Variants in LUC7L3 observed in about 807,000 individuals in gnomAD.
The protein encoded by LUC7L3 is LUC7 like 3 pre-mRNA splicing factor.
Under a neutral mutation model 66.8 loss-of-function variants are expected in LUC7L3, and 6 were observed. The observed-to-expected ratio is 0.09, with a 90% confidence interval of 0.05 to 0.18. The LOEUF is 0.18. Ranked by LOEUF, LUC7L3 falls within the 10% of genes least tolerant of loss-of-function variation. The pLI, the probability that LUC7L3 is intolerant of heterozygous loss-of-function variation, is 1.00. For missense variants in LUC7L3, 341 were observed against 531.1 expected (o/e 0.64, Z 3.52); for synonymous variants, 160 against 174.7 (o/e 0.92, Z 0.66).
chr17:50,740,136 T>G, intron 2 of LUC7L3, 170 bp from the exon 3 acceptor site: 1 of 567,186 alleles, frequency 1.8e-6, no homozygotes, highest in Non-Finnish European at 3.1e-6. Context: ...TTATATCCTA[T>G]TTGGTTATGA....
chr17:50,747,724 T>A (rs1350277626), intron 9 of LUC7L3, among the ~76,000 whole-genome samples: 1 of 152,234 alleles, frequency 6.6e-6, no homozygotes, highest in African/African-American at 2.4e-5. Context: ...ATGGACATAT[T>A]TTTTGGTCTC....
chr17:50,740,076 T>A (rs1283749308), intron 2 of LUC7L3, among the ~76,000 whole-genome samples: 1 of 152,166 alleles, frequency 6.6e-6, no homozygotes, highest in Admixed American at 6.5e-5. Flanking sequence ...CTTTTAACCA[T>A]ATATGGTTGC....
chr17:50,753,276 C>T lies in LUC7L3; in HGVS notation c.*2615C>T, dbSNP rs948214290. ...CCTTGTGGTTTATAACTTGCAAATA[C>T]TGCTATCAGTTTATAGGTAAAGAAA... On this transcript the variant is annotated 3_prime_UTR_variant, in exon 10 of 10. Coordinates refer to ENST00000505658, the MANE Select transcript of LUC7L3 (RefSeq NM_016424.5). 2 of 152,594 alleles carry T rather than the reference C, an allele frequency of 1.3e-5. No homozygotes were observed. The highest frequency in any genetic ancestry group is 2.4e-5 in the African/African-American group (1 of 41,416). The allele number at this position is 152,594 out of a possible 1,614,324, so 9.5% of individuals were successfully genotyped here.
At chr17:50,726,856 G>A (rs1455900017) in intron 1 of LUC7L3, among the ~76,000 whole-genome samples, 3 of 152,018 alleles carry the variant, frequency 2.0e-5, no homozygotes, top group Admixed American at 6.6e-5. Context: ...TTGGGAGGCC[G>A]AGGTGGGCGG....
chr17:50,739,649 A>G (rs995480028), intron 2 of LUC7L3, among the ~76,000 whole-genome samples: 5 of 89,522 alleles, frequency 5.6e-5, no homozygotes, highest in Admixed American at 2.0e-4. Context: ...GCAAGACTCT[A>G]TCTCAAAAAA....
intron 2 of LUC7L3, chr17:50,737,334 G>T: frequency 4.1e-6 from 2 of 492,932 alleles, no homozygotes; most frequent in South Asian, 3.1e-5. Context: ...CAAATTTTTG[G>T]AAGATGACAA....
intron 3 of LUC7L3, 106 bp downstream of exon 3, chr17:50,740,451 G>A (rs563564167): frequency 6.5e-6 from 7 of 1,080,940 alleles, no homozygotes; most frequent in Middle Eastern, 2.1e-4. Flanking sequence ...GTGTCTGAGA[G>A]AAGTCCAGTC....
intron 1 of LUC7L3, among the ~76,000 whole-genome samples, chr17:50,721,676 G>A (rs984744654): frequency 6.6e-6 from 1 of 152,228 alleles, no homozygotes; most frequent in Non-Finnish European, 1.5e-5. Context: ...ATTGTATAAT[G>A]AAGCTGGGGA....
intron 1 of LUC7L3, among the ~76,000 whole-genome samples, chr17:50,731,541 C>A (rs186675676): frequency 3.3e-5 from 5 of 151,964 alleles, no homozygotes; most frequent in Admixed American, 3.3e-4. Context: ...CCCATTTTTT[C>A]GGATCACTTG....
chr17:50,732,428 C>T lies in LUC7L3; in HGVS notation c.100-4532C>T, dbSNP rs369773003. 6.6e-5 allele frequency among the ~76,000 whole-genome samples: 10 copies of T among 152,300 alleles called. No homozygotes were observed. The East Asian group carries it at 1.4e-3, about 21-fold the overall frequency. Reference sequence around the variant, plus strand: ...TTGAGTCTTGCCCTTTTCACCCAGGCTGAAGTGCAGTGGCATGATCACCAC... The same window carrying T: ...TTGAGTCTTGCCCTTTTCACCCAGGTTGAAGTGCAGTGGCATGATCACCAC... On this transcript the variant is annotated intron_variant, in intron 1 of 9. Transcript: ENST00000505658.
chr17:50,728,759 G>A (rs1969370190), intron 1 of LUC7L3, among the ~76,000 whole-genome samples: 1 of 152,148 alleles, frequency 6.6e-6, no homozygotes, highest in Admixed American at 6.6e-5. Context: ...TCGCCATTTT[G>A]GCCAGGCAGG....
rs139418517 is a variant in LUC7L3, at chr17:50,753,295, A to G, written c.*2634A>G. On this transcript the variant is annotated 3_prime_UTR_variant, in exon 10 of 10. Transcript: ENST00000505658. ...CAAATACTGCTATCAGTTTATAGGT[A>G]AAGAAACAGTGTGTTAAATGACTTA... 3.3e-5 allele frequency: 5 copies of G among 152,764 alleles called. No individual in the cohort carries two copies. The East Asian group carries it at 9.6e-4, about 29-fold the overall frequency. 9.5% of individuals were successfully genotyped at this position (152,764 alleles called of 1,614,324 possible).
At chr17:50,737,352 G>T in intron 2 of LUC7L3, 1 of 478,964 alleles carries the variant, frequency 2.1e-6, no homozygotes. Context: ...CAAGTGGATG[G>T]AGGAGTAGCA....
At chr17:50,741,764 A>C (rs756281983) in intron 5 of LUC7L3, 33 bp downstream of exon 5, 10 of 1,530,326 alleles carry the variant, frequency 6.5e-6, no homozygotes, top group Non-Finnish European at 9.1e-6. Flanking sequence ...TCAGGAAGTA[A>C]TGTGAAACAG....
At chr17:50,730,513 C>CAAAAAAAA (rs3063109) in intron 1 of LUC7L3, among the ~76,000 whole-genome samples, 19 of 59,088 alleles carry the variant, frequency 3.2e-4, no homozygotes, top group African/African-American at 9.8e-4. Context: ...ACTCTGTCTC[C>CAAAAAAAA]AAAAAAAAAA....
Position 50,746,524 on chromosome 17 carries a change from T to C in LUC7L3, c.978-18T>C, listed in dbSNP as rs754827978. 2 of 1,605,182 alleles carry C rather than the reference T, an allele frequency of 1.2e-6. No homozygotes were observed. Among genetic ancestry groups the C allele is most frequent in the East Asian group, 4.5e-5 (2 of 44,828 alleles). On this transcript the variant is annotated intron_variant, in intron 8 of 9. Coordinates refer to ENST00000505658, the MANE Select transcript of LUC7L3 (RefSeq NM_016424.5). Reference sequence around the variant, plus strand: ...TGTAATACTGGCTGAAGTTGCCTTTTGGTTTTAAATTATTAAGAAGTAGAG... The same window carrying C: ...TGTAATACTGGCTGAAGTTGCCTTTCGGTTTTAAATTATTAAGAAGTAGAG...
chr17:50,741,514 C>T (rs1970346031), intron 4 of LUC7L3, 143 bp from the exon 5 acceptor site: 2 of 615,280 alleles, frequency 3.3e-6, no homozygotes, highest in Non-Finnish European at 5.6e-6. Context: ...GATTGACCAA[C>T]AGAAGTTGAA....
intron 1 of LUC7L3, among the ~76,000 whole-genome samples, chr17:50,730,909 C>T (rs1969564444): frequency 1.3e-5 from 2 of 152,116 alleles, no homozygotes; most frequent in Admixed American, 6.5e-5. Flanking sequence ...CACTGCACTC[C>T]AGCCTGGGCA....
At chr17:50,742,342 T>C (rs1171392947) in intron 5 of LUC7L3, among the ~76,000 whole-genome samples, 1 of 152,094 alleles carries the variant, frequency 6.6e-6, no homozygotes, top group East Asian at 1.9e-4. Context: ...CTGTAGATGA[T>C]ATTGGAGTCT....
Sources: gnomAD v4.1 joint callset for allele counts (sites outside exome capture counted in the v4.1 genomes callset) on GRCh38, gnomAD v4.1.1 for gene constraint, MANE v1.5 for transcripts, NCBI Gene and HGNC (gene_info 2026-07-23, HGNC 2026-07-21) for gene names.